The following LRRC4C variants were observed in gnomAD, a reference collection of about 807,000 sequenced individuals.
The protein encoded by LRRC4C is leucine-rich repeat-containing protein 4C.
LRRC4C carries 5 observed loss-of-function variants against 33.6 expected under a neutral mutation model. The observed-to-expected ratio is 0.15, with a 90% CI of 0.08 to 0.31. The LOEUF (loss-of-function observed/expected upper bound fraction) is 0.31, where lower values mean the gene tolerates loss of function less well. Ranked by LOEUF, LRRC4C falls within the 10% of genes least tolerant of loss-of-function variation. LRRC4C has a pLI of 1.00. For synonymous variants in LRRC4C, 329 were observed against 302.0 expected (o/e 1.09, Z -0.93); for missense variants, 560 against 796.7 (o/e 0.70, Z 3.58).
chr11:41,022,146 A>ATG lies in LRRC4C; in HGVS notation c.-495-88424_-495-88423insCA, dbSNP rs1565309663. Among the ~76,000 whole-genome samples, 2 of 140,222 alleles carry ATG rather than the reference A, an allele frequency of 1.4e-5. 1 individual carries two copies. Among genetic ancestry groups the ATG allele is most frequent in the East Asian group, 4.0e-4 (2 of 5,034 alleles). The allele number at this position is 140,222 out of a possible 152,430, so 92.0% of individuals were successfully genotyped here. On this transcript the variant is annotated intron_variant, in intron 1 of 6. Transcript: ENST00000528697. ...TTATGAGCTTACAATTTTGTTTTAT[A>ATG]TATATATATATATATATATGTATAT...
chr11:41,077,904 C>A (rs1726615411), intron 1 of LRRC4C, among the ~76,000 whole-genome samples: 1 of 152,162 alleles, frequency 6.6e-6, no homozygotes, highest in Admixed American at 6.5e-5. Flanking sequence ...CTGTACACTT[C>A]TAGAAACAGG....
At chr11:40,561,923 G>T (rs1255235996) in intron 3 of LRRC4C, among the ~76,000 whole-genome samples, 2 of 152,156 alleles carry the variant, frequency 1.3e-5, no homozygotes, top group South Asian at 2.1e-4. Flanking sequence ...CCATAATGGG[G>T]TGCATGAAGC....
intron 1 of LRRC4C, among the ~76,000 whole-genome samples, chr11:41,008,806 C>G (rs1225747972): frequency 2.6e-5 from 4 of 151,876 alleles, no homozygotes; most frequent in African/African-American, 7.3e-5. Flanking sequence ...TGCCCTAGTT[C>G]CTTTTTATTT....
At chr11:40,525,866 G>GT (rs1458829197) in intron 3 of LRRC4C, among the ~76,000 whole-genome samples, 14 of 152,152 alleles carry the variant, frequency 9.2e-5, no homozygotes, top group Non-Finnish European at 1.8e-4. Flanking sequence ...CTAAGACAAG[G>GT]TGGTATTGGT....
rs142565953 is a variant in LRRC4C, at chr11:40,218,429, C to T, written c.-96+23090G>A. Among the ~76,000 whole-genome samples, 16 of 152,196 alleles carry T rather than the reference C, an allele frequency of 1.1e-4. No individual in the cohort carries two copies. In the East Asian group the frequency reaches 2.7e-3, roughly 26 times the overall value. On this transcript the variant is annotated intron_variant, in intron 5 of 6. Transcript: ENST00000528697. ...CAAGTCCAAGAGCTACTTAGAGAAT[C>T]ACAGAACATTTAAAATTCTAGATTC...
intron 1 of LRRC4C, among the ~76,000 whole-genome samples, chr11:41,055,085 A>C (rs1371509459): frequency 6.6e-6 from 1 of 152,168 alleles, no homozygotes; most frequent in Non-Finnish European, 1.5e-5. Flanking sequence ...TCTTCTTTTA[A>C]CCTTCCAATT....
At chr11:40,539,684 T>C (rs1237330218) in intron 3 of LRRC4C, among the ~76,000 whole-genome samples, 4 of 152,132 alleles carry the variant, frequency 2.6e-5, no homozygotes, top group Non-Finnish European at 5.9e-5. Flanking sequence ...AATGTCAAGA[T>C]AGATGAAGAG....
chr11:40,213,985 A>C (rs1357168938), intron 5 of LRRC4C, among the ~76,000 whole-genome samples: 1 of 152,164 alleles, frequency 6.6e-6, no homozygotes, highest in South Asian at 2.1e-4. Flanking sequence ...CAGCTAGAAA[A>C]TGGCAATAAG....
intron 1 of LRRC4C, among the ~76,000 whole-genome samples, chr11:41,372,728 G>A (rs571142697): frequency 6.8e-5 from 10 of 147,806 alleles, no homozygotes; most frequent in African/African-American, 2.2e-4. Context: ...GGGGCTAGGA[G>A]AGGTAATAAA....
intron 2 of LRRC4C, among the ~76,000 whole-genome samples, chr11:40,677,439 C>T (rs1363098447): frequency 1.3e-5 from 2 of 151,918 alleles, no homozygotes; most frequent in African/African-American, 4.8e-5. Flanking sequence ...TGTTAGTATC[C>T]AATAATAGAC....
chr11:40,624,734 G>C (rs552024470), intron 3 of LRRC4C, among the ~76,000 whole-genome samples: 3 of 152,220 alleles, frequency 2.0e-5, no homozygotes, highest in African/African-American at 7.2e-5. Context: ...TACAACCCAT[G>C]TTCCTTTACA....
At chr11:40,962,184 C>G (rs1346156668) in intron 1 of LRRC4C, among the ~76,000 whole-genome samples, 2 of 151,368 alleles carry the variant, frequency 1.3e-5, no homozygotes, top group Non-Finnish European at 3.0e-5. Context: ...AGGATGAAAG[C>G]AGAAATCAGA....
intron 2 of LRRC4C, among the ~76,000 whole-genome samples, chr11:40,695,951 T>C (rs1945480002): frequency 6.6e-6 from 1 of 151,778 alleles, no homozygotes; most frequent in Non-Finnish European, 1.5e-5. Flanking sequence ...TAGACATCTC[T>C]AGGGGTGAGA....
intron 5 of LRRC4C, among the ~76,000 whole-genome samples, chr11:40,142,641 A>T (rs1857449343): frequency 6.6e-6 from 1 of 152,120 alleles, no homozygotes; most frequent in Non-Finnish European, 1.5e-5. Flanking sequence ...CCTCAGTGAT[A>T]ACTCTACTCA....
chr11:40,909,776 T>C (rs1246198331), intron 2 of LRRC4C, among the ~76,000 whole-genome samples: 1 of 152,166 alleles, frequency 6.6e-6, no homozygotes, highest in African/African-American at 2.4e-5. Context: ...CAGCACAACA[T>C]TGTATCACAT....
intron 4 of LRRC4C, among the ~76,000 whole-genome samples, chr11:40,277,174 C>T (rs1943169757): frequency 6.6e-6 from 1 of 152,192 alleles, no homozygotes; most frequent in South Asian, 2.1e-4. Context: ...AGGAATGAGG[C>T]CTGCCAACTA....
intron 6 of LRRC4C, among the ~76,000 whole-genome samples, chr11:40,130,200 C>G (rs1272961648): frequency 6.6e-6 from 1 of 152,132 alleles, no homozygotes; most frequent in Admixed American, 6.5e-5. Flanking sequence ...GCTCCATGTA[C>G]TGCTAGATAT....
At chr11:40,272,196 C>T (rs1046320123) in intron 4 of LRRC4C, among the ~76,000 whole-genome samples, 2 of 152,028 alleles carry the variant, frequency 1.3e-5, no homozygotes, top group East Asian at 1.9e-4. Flanking sequence ...AAGAAAATAG[C>T]TATTTGGTGG....
intron 3 of LRRC4C, among the ~76,000 whole-genome samples, chr11:40,552,302 T>A (rs1387567126): frequency 3.3e-5 from 5 of 152,060 alleles, no homozygotes; most frequent in Admixed American, 6.5e-5. Context: ...AATAGAGAGG[T>A]TAAGGAACTG....
Sources: allele counts gnomAD v4.1 joint callset (sites outside exome capture counted in the v4.1 genomes callset), GRCh38; gene constraint gnomAD v4.1.1; transcripts MANE v1.5; gene names NCBI Gene and HGNC (gene_info 2026-07-23, HGNC 2026-07-21).